The following ABCB10 variants were observed in gnomAD, a reference collection of about 807,000 sequenced individuals.
ABCB10 encodes ATP-binding cassette sub-family B member 10, mitochondrial.
Under a neutral mutation model 65.4 loss-of-function variants are expected in ABCB10, and 54 were observed. The ratio of observed to expected loss-of-function variants is 0.83; its 90% confidence interval spans 0.66 to 1.04. The LOEUF is 1.04. Ranked by LOEUF, ABCB10 falls within the 50% of genes least tolerant of loss-of-function variation. The pLI is 0.00. For synonymous variants in ABCB10, 418 were observed against 406.5 expected (o/e 1.03, Z -0.34); for missense variants, 846 against 976.6 (o/e 0.87, Z 1.78).
intron 10 of ABCB10, 138 bp downstream of exon 10, chr1:229,525,798 A>G (rs1662426086): frequency 9.8e-7 from 1 of 1,015,922 alleles, no homozygotes; most frequent in Non-Finnish European, 1.4e-6. Flanking sequence ...CGCCACTGCC[A>G]CTGCACTCCA....
chr1:229,531,958 T>TG (rs1553264062), intron 6 of ABCB10: 7 of 379,414 alleles, frequency 1.8e-5, no homozygotes, highest in Non-Finnish European at 3.2e-5. Flanking sequence ...TTTTTTTTTT[T>TG]TTTTTTTTTT....
chr1:229,557,994 C>A, intron 1 of ABCB10, 142 bp downstream of exon 1: 2 of 930,398 alleles, frequency 2.1e-6, no homozygotes, highest in Non-Finnish European at 2.8e-6. Context: ...GATCCCCTCC[C>A]TCCTCCGGGG....
chr1:229,520,513 C>CA lies in ABCB10; in HGVS notation c.1950+1078dup, dbSNP rs35593030. Among the ~76,000 whole-genome samples, 1,181 of 126,644 alleles carry CA rather than the reference C, an allele frequency of 9.3e-3. 9 individuals carry two copies. The highest frequency in any genetic ancestry group is 0.016 in the Middle Eastern group (4 of 252). The allele number at this position is 126,644 out of a possible 152,430, so 83.1% of individuals were successfully genotyped here. ...AAAAAGAAAAGCTAACACATGAGAC[C>CA]AAAAAAAAAAAAAAGAGACTAATCT... On this transcript the variant is annotated intron_variant, in intron 11 of 12. Coordinates refer to ENST00000344517, the MANE Select transcript of ABCB10 (RefSeq NM_012089.3).
In ABCB10 at chr1:229,530,226, G is replaced by A. The variant is rs777184007; in HGVS notation, c.1618C>T (p.Leu540=). ...GAAGCAGGGTCGTACAACCTCAGCA[G>A]GAGTGAAAGCACTGTTGATTTGCCA... ...GSGKSTVLSL[L]LRLYDPASGT... The change falls in exon 8 of 13, where the codon CTG becomes TTG. Residue 540 remains leucine, a synonymous_variant. Transcript: ENST00000344517. 2.7e-5 allele frequency: 43 copies of A among 1,613,932 alleles called. No individual in the cohort carries two copies. Among genetic ancestry groups the A allele is most frequent in the Non-Finnish European group, 3.6e-5 (42 of 1,179,990 alleles).
intron 7 of ABCB10, 43 bp downstream of exon 7, chr1:229,531,593 C>A: frequency 1.3e-6 from 2 of 1,581,624 alleles, no homozygotes; most frequent in South Asian, 2.2e-5. Context: ...TTGTTCAAAG[C>A]CACATTTGTT....
chr1:229,558,329 T>G lies in ABCB10; in HGVS notation c.324A>C (p.Pro108=), dbSNP rs1459798377. Residue 108 remains proline, a synonymous_variant, in exon 1 of 13, where the codon CCA becomes CCC. Transcript: ENST00000344517. Reference sequence around the variant, plus strand: ...GGGCGCGCGGGAGCCGAGGAGCGCCTGGCCCGGCAAAAGCCCCGCACCTGC... The same window carrying G: ...GGGCGCGCGGGAGCCGAGGAGCGCCGGGCCCGGCAAAAGCCCCGCACCTGC... ...GSCRCGAFAG[P]GAPRLPRARF... is the part of the protein sequence containing the mutation. The G allele has an allele frequency of 1.6e-6, 2 of 1,253,470 alleles. No individual in the cohort carries two copies. The highest frequency in any genetic ancestry group is 6.5e-5 in the Admixed American group (2 of 30,954). The allele number at this position is 1,253,470 out of a possible 1,614,324, so 77.6% of individuals were successfully genotyped here.
At chr1:229,541,377 C>G (rs1015158313) in intron 4 of ABCB10, among the ~76,000 whole-genome samples, 1 of 152,100 alleles carries the variant, frequency 6.6e-6, no homozygotes, top group East Asian at 1.9e-4. Context: ...CAGGCACAAA[C>G]CAGCACGCCC....
In ABCB10 at chr1:229,558,075, G is replaced by A. The variant is rs909852493; in HGVS notation, c.517+61C>T. The stretch of plus-strand genomic sequence containing the variant: ...CCGGCCGTGTCCCTCTCGGCGCCCC[G>A]GGACCCCGCGTGTGGAGAAGGAGAG... On this transcript the variant is annotated intron_variant, in intron 1 of 12. Transcript: ENST00000344517. The A allele has an allele frequency of 5.5e-6, 7 of 1,281,192 alleles. No homozygotes were observed. The African/African-American group carries it at 6.3e-5, about 11-fold the overall frequency. The allele number at this position is 1,281,192 out of a possible 1,614,324, so 79.4% of individuals were successfully genotyped here.
rs531660763 is a variant in ABCB10, at chr1:229,549,744, C to T, written c.518-310G>A. 1.0e-4 allele frequency among the ~76,000 whole-genome samples: 15 copies of T among 149,716 alleles called. No individual in the cohort carries two copies. The South Asian group carries it at 3.0e-3, about 30-fold the overall frequency. ...CCAACTATGGAACCGTTCTGGCCAGCCCCTTCCTCCCCATCTCTTGATTTT... is the reference window on the plus strand; with the variant it reads ...CCAACTATGGAACCGTTCTGGCCAGTCCCTTCCTCCCCATCTCTTGATTTT... On this transcript the variant is annotated intron_variant, in intron 1 of 12. Transcript: ENST00000344517.
chr1:229,523,865 C>T (rs1429834550), intron 10 of ABCB10, among the ~76,000 whole-genome samples: 1 of 152,096 alleles, frequency 6.6e-6, no homozygotes, highest in African/African-American at 2.4e-5. Context: ...TTTTCTGCCC[C>T]GTTTCTCAGA....
Position 229,526,047 on chromosome 1 carries a change from TCA to T in ABCB10, c.1793_1794del (p.Val598AspfsTer3). ...GCCACTCTCTGGATTTCCTCAGCGGTCACAGAGGAAGGGTCATCAGCACCATA... is the reference window on the plus strand; with the variant it reads ...GCCACTCTCTGGATTTCCTCAGCGGTCAGAGGAAGGGTCATCAGCACCATA... ...IAYGADDPSS[V>X]TAEEIQRVAE... On this transcript the variant is annotated frameshift_variant, in exon 10 of 13. Coordinates refer to ENST00000344517, the MANE Select transcript of ABCB10 (RefSeq NM_012089.3). LOFTEE classifies it high-confidence loss of function. The T allele has an allele frequency of 6.2e-7, 1 of 1,614,170 alleles. No homozygotes were observed. The highest frequency in any genetic ancestry group is 1.7e-5 in the Admixed American group (1 of 60,024).
intron 1 of ABCB10, among the ~76,000 whole-genome samples, chr1:229,553,056 CAGA>C (rs1298561391): frequency 6.6e-6 from 1 of 151,820 alleles, no homozygotes; most frequent in Non-Finnish European, 1.5e-5. Context: ...GATTATAGAA[CAGA>C]AGGATTTTGT....
At chr1:229,557,342 G>C (rs1043069019) in intron 1 of ABCB10, among the ~76,000 whole-genome samples, 1 of 152,170 alleles carries the variant, frequency 6.6e-6, no homozygotes, top group African/African-American at 2.4e-5. Flanking sequence ...CAGAAGTGAG[G>C]ACCATGTTTC....
chr1:229,540,495 C>A, intron 5 of ABCB10, 111 bp downstream of exon 5: 5 of 1,156,564 alleles, frequency 4.3e-6, no homozygotes, highest in Non-Finnish European at 5.8e-6. Context: ...GAAATTAAGA[C>A]TAAAATTTTA....
chr1:229,537,066 T>C (rs1313327021), intron 6 of ABCB10, among the ~76,000 whole-genome samples: 1 of 152,214 alleles, frequency 6.6e-6, no homozygotes, highest in African/African-American at 2.4e-5. Context: ...ATTGTATGAT[T>C]CCTTTTATAT....
chr1:229,551,983 C>T (rs927926778), intron 1 of ABCB10, among the ~76,000 whole-genome samples: 2 of 152,202 alleles, frequency 1.3e-5, no homozygotes, highest in Admixed American at 6.5e-5. Flanking sequence ...TTCTACAATA[C>T]GAATCCATAT....
intron 1 of ABCB10, among the ~76,000 whole-genome samples, chr1:229,556,850 G>C (rs974726229): frequency 2.6e-5 from 4 of 152,222 alleles, no homozygotes; most frequent in African/African-American, 9.7e-5. Context: ...AAGGCACTCT[G>C]AGCGCCTGCT....
intron 1 of ABCB10, among the ~76,000 whole-genome samples, chr1:229,555,979 C>A (rs368967382): frequency 0.018 from 2,221 of 122,774 alleles, no homozygotes; most frequent in Non-Finnish European, 0.024. Flanking sequence ...GTTTGAAAAG[C>A]AAAAAAAAAA....
chr1:229,526,191 GTCT>G, intron 9 of ABCB10, 75 bp from the exon 10 acceptor site: 1 of 1,410,766 alleles, frequency 7.1e-7, no homozygotes, highest in Non-Finnish European at 9.7e-7. Context: ...AGACCTAGCA[GTCT>G]TTTTTAAAAT....
Sources: allele counts gnomAD v4.1 joint callset (sites outside exome capture counted in the v4.1 genomes callset), GRCh38; gene constraint gnomAD v4.1.1; transcripts MANE v1.5; gene names NCBI Gene and HGNC (gene_info 2026-07-23, HGNC 2026-07-21).